Variants in NAALADL2 observed in about 807,000 individuals in gnomAD.
NAALADL2 encodes inactive N-acetylated-alpha-linked acidic dipeptidase-like protein 2.
NAALADL2 carries 76 observed loss-of-function variants against 87.2 expected under a neutral mutation model. The observed-to-expected ratio is 0.87, with a 90% CI of 0.72 to 1.05. The LOEUF (loss-of-function observed/expected upper bound fraction) is 1.05. Among genes scored for constraint, NAALADL2 ranks in the 50% least tolerant of loss-of-function variants. The pLI is 0.00. For missense variants in NAALADL2, 1,089 were observed against 945.8 expected (o/e 1.15, Z -1.99); for synonymous variants, 354 against 331.0 (o/e 1.07, Z -0.75).
intron 5 of NAALADL2, among the ~76,000 whole-genome samples, chr3:175,388,564 T>C (rs1209110117): frequency 6.6e-6 from 1 of 152,088 alleles, no homozygotes. Flanking sequence ...AGATTGTAAA[T>C]AACCACCACC....
chr3:175,430,782 A>G (rs146902651), intron 5 of NAALADL2, among the ~76,000 whole-genome samples: 286 of 152,218 alleles, frequency 1.9e-3, no homozygotes, highest in African/African-American at 6.7e-3. Context: ...ATTGATAACT[A>G]TAATGCAGAT....
In NAALADL2 at chr3:174,688,416, A is replaced by G. The variant is rs9863524; in HGVS notation, c.-114-49225A>G. ...TAAAATAATATAAAAAATATAAACA[A>G]TCAGTCACATAAGGCAGAGTAAATA... is the stretch of plus-strand genomic sequence containing the variant. On this transcript the variant is annotated intron_variant, in intron 2 of 3. Coordinates refer to the NAALADL2 transcript ENST00000434257. Among the ~76,000 whole-genome samples, 871 of 151,776 alleles carry G rather than the reference A, an allele frequency of 5.7e-3. 9 individuals are homozygous for G. Among genetic ancestry groups the G allele is most frequent in the African/African-American group, 0.02 (826 of 41,346 alleles).
At chr3:175,098,543 C>G (rs1030963472) in intron 2 of NAALADL2, among the ~76,000 whole-genome samples, 5 of 152,100 alleles carry the variant, frequency 3.3e-5, no homozygotes, top group African/African-American at 1.2e-4. Context: ...CCACTGAAGA[C>G]AGAGAGAGGG....
chr3:175,627,207 T>TTAA, intron 10 of NAALADL2, 84 bp from the exon 11 acceptor site: 1 of 1,135,924 alleles, frequency 8.8e-7, no homozygotes, highest in South Asian at 1.4e-5. Flanking sequence ...AGAGTCCTTT[T>TTAA]TAATCTTTAA....
chr3:175,473,224 G>A (rs1432511285), intron 9 of NAALADL2, among the ~76,000 whole-genome samples: 3 of 151,990 alleles, frequency 2.0e-5, no homozygotes, highest in Non-Finnish European at 2.9e-5. Flanking sequence ...CTAATTATGT[G>A]AGAATACAGT....
chr3:174,574,647 A>G (rs555875667), intron 2 of NAALADL2, among the ~76,000 whole-genome samples: 52 of 152,256 alleles, frequency 3.4e-4, no homozygotes, highest in African/African-American at 1.3e-3. Context: ...GTACATGTCA[A>G]TCAATATATG....
intron 1 of NAALADL2, among the ~76,000 whole-genome samples, chr3:174,892,781 A>G (rs1298152171): frequency 5.9e-5 from 9 of 151,802 alleles, no homozygotes; most frequent in Non-Finnish European, 1.3e-4. Context: ...AAAATTAGCC[A>G]GGTGGTGGCA....
intron 2 of NAALADL2, among the ~76,000 whole-genome samples, chr3:175,177,962 A>G (rs1735933989): frequency 6.6e-6 from 1 of 150,670 alleles, no homozygotes; most frequent in Non-Finnish European, 1.5e-5. Flanking sequence ...TGAAAACTAT[A>G]TTGAAATATA....
intron 2 of NAALADL2, among the ~76,000 whole-genome samples, chr3:175,151,903 C>G (rs1368252535): frequency 1.3e-5 from 2 of 152,142 alleles, no homozygotes; most frequent in South Asian, 4.1e-4. Flanking sequence ...GTGAAGGGAA[C>G]ATAGTAATTA....
chr3:174,801,904 A>G (rs1406077205), intron 3 of NAALADL2, among the ~76,000 whole-genome samples: 1 of 152,020 alleles, frequency 6.6e-6, no homozygotes, highest in Non-Finnish European at 1.5e-5. Context: ...CTCTGATGTT[A>G]CTAATGGATT....
chr3:174,867,213 T>C (rs1727264828), intron 1 of NAALADL2, among the ~76,000 whole-genome samples: 1 of 151,960 alleles, frequency 6.6e-6, no homozygotes. Flanking sequence ...AGAAACTTAC[T>C]AAGCTTATTT....
At chr3:175,174,071 ATT>A (rs1224413921) in intron 2 of NAALADL2, among the ~76,000 whole-genome samples, 1 of 152,190 alleles carries the variant, frequency 6.6e-6, no homozygotes, top group African/African-American at 2.4e-5. Flanking sequence ...TAGAACATAA[ATT>A]TTAGAAAGAT....
At position 175,130,691 on chromosome 3, in the gene NAALADL2, G is replaced by T. The variant is rs577690506; in HGVS notation, c.545+33400G>T. On this transcript the variant is annotated intron_variant, in intron 2 of 13. Coordinates refer to ENST00000454872, the MANE Select transcript of NAALADL2 (RefSeq NM_207015.3). Reference sequence around the variant, plus strand: ...GAGGGTCAGATAGAATTATGTATTTGTTTCTCTTTAAGCCATCTAATTTGA... The same window carrying T: ...GAGGGTCAGATAGAATTATGTATTTTTTTCTCTTTAAGCCATCTAATTTGA... Among the ~76,000 whole-genome samples, 4 of 152,222 alleles carry T rather than the reference G, an allele frequency of 2.6e-5. No homozygotes were observed. In the East Asian group the frequency reaches 5.8e-4, roughly 22 times the overall value.
chr3:175,674,247 G>GT (rs201365082), intron 11 of NAALADL2, among the ~76,000 whole-genome samples: 1,762 of 139,824 alleles, frequency 0.013, 21 homozygotes, highest in Middle Eastern at 0.021. Flanking sequence ...AACTGATAGT[G>GT]TTTTTTTTTT....
chr3:174,679,128 A>T (rs1014977427), intron 2 of NAALADL2, among the ~76,000 whole-genome samples: 1 of 151,996 alleles, frequency 6.6e-6, no homozygotes, highest in African/African-American at 2.4e-5. Flanking sequence ...GTCTCTTCTG[A>T]CGTTGTCTGT....
rs376841580 is a variant in NAALADL2 at position 175,532,260 on chromosome 3, G to A, written c.1654-43781G>A. 3.3e-5 allele frequency among the ~76,000 whole-genome samples: 5 copies of A among 152,214 alleles called. No individual in the cohort carries two copies. In the East Asian group the frequency reaches 5.8e-4, roughly 18 times the overall value. On this transcript the variant is annotated intron_variant, in intron 9 of 13. Transcript: ENST00000454872. Reference sequence around the variant, plus strand: ...CCACTGGAATCAACATCAGCTCAGAGCCAATGTCCAGTAGTCCCTAAAATG... The same window carrying A: ...CCACTGGAATCAACATCAGCTCAGAACCAATGTCCAGTAGTCCCTAAAATG...
intron 9 of NAALADL2, among the ~76,000 whole-genome samples, chr3:175,521,246 A>G (rs980140499): frequency 6.6e-6 from 1 of 152,018 alleles, no homozygotes; most frequent in African/African-American, 2.4e-5. Context: ...ATTTCTTACA[A>G]TCTGAATAAA....
At chr3:175,423,037 A>G (rs1716015392) in intron 5 of NAALADL2, among the ~76,000 whole-genome samples, 1 of 111,552 alleles carries the variant, frequency 9.0e-6, no homozygotes, top group Non-Finnish European at 1.8e-5. Context: ...AAATATATAT[A>G]TATATATATA....
At chr3:174,635,794 C>A (rs1044540421) in intron 2 of NAALADL2, among the ~76,000 whole-genome samples, 1 of 152,074 alleles carries the variant, frequency 6.6e-6, no homozygotes, top group Non-Finnish European at 1.5e-5. Flanking sequence ...TGAGCCACCA[C>A]GTCTGGACGA....
Sources: allele counts gnomAD v4.1 joint callset (sites outside exome capture counted in the v4.1 genomes callset), GRCh38; gene constraint gnomAD v4.1.1; transcripts MANE v1.5; gene names NCBI Gene and HGNC (gene_info 2026-07-23, HGNC 2026-07-21).